Variants in LIMCH1 observed in about 807,000 individuals in gnomAD.
LIMCH1 encodes LIM and calponin homology domains 1.
In LIMCH1, 113 loss-of-function variants were observed where a neutral mutation model predicts 176.5. The ratio of observed to expected loss-of-function variants is 0.64; its 90% CI spans 0.55 to 0.75. LIMCH1 has a LOEUF of 0.75. Among genes scored for constraint, LIMCH1 ranks in the 30% least tolerant of loss-of-function variants. The pLI is 0.00. For synonymous variants in LIMCH1, 619 were observed against 645.9 expected, an observed-to-expected ratio of 0.96 and a Z score of 0.63; for missense variants, 1,674 against 1,814.9, an observed-to-expected ratio of 0.92 and a Z score of 1.41.
chr4:41,476,006 C>G (rs112600019), intron 1 of LIMCH1, among the ~76,000 whole-genome samples: 1 of 151,972 alleles, frequency 6.6e-6, no homozygotes, highest in African/African-American at 2.4e-5. Flanking sequence ...AGGTCTTGCT[C>G]TGTCGCCCAG....
chr4:41,445,397 C>T (rs1177612881), intron 1 of LIMCH1, among the ~76,000 whole-genome samples: 19 of 152,144 alleles, frequency 1.2e-4, no homozygotes, highest in Non-Finnish European at 2.8e-4. Flanking sequence ...TGGACTTTTA[C>T]CATTCTATGT....
intron 27 of LIMCH1, among the ~76,000 whole-genome samples, chr4:41,685,449 T>C (rs2153061828): frequency 6.6e-6 from 1 of 152,308 alleles, no homozygotes; most frequent in African/African-American, 2.4e-5. Flanking sequence ...CTTTCATGCA[T>C]AAGAAGTCAG....
At chr4:41,494,696 G>C in intron 2 of LIMCH1, 1 of 850,668 alleles carries the variant, frequency 1.2e-6, no homozygotes, top group Non-Finnish European at 1.8e-6. Flanking sequence ...GTTTTGTTTT[G>C]AATTTATTCA....
At chr4:41,367,023 G>A (rs916861870) in intron 1 of LIMCH1, among the ~76,000 whole-genome samples, 8 of 152,182 alleles carry the variant, frequency 5.3e-5, no homozygotes, top group African/African-American at 1.4e-4. Flanking sequence ...GAGAGCAAGC[G>A]AAGAGGGAAC....
At position 41,686,349 on chromosome 4, in the gene LIMCH1, A is replaced by G. The variant is rs1286460684; in HGVS notation, c.4088+519A>G. On this transcript the variant is annotated intron_variant, in intron 28 of 31. Transcript: ENST00000503057. Reference sequence around the variant, plus strand: ...TTCTCTCCTTTTCATCCATTAACTCACTGAACCCTTCCAATAACTTAATGA... The same window carrying G: ...TTCTCTCCTTTTCATCCATTAACTCGCTGAACCCTTCCAATAACTTAATGA... Among the ~76,000 whole-genome samples, 5 of 152,296 alleles carry G rather than the reference A, an allele frequency of 3.3e-5. No individual in the cohort carries two copies. In the East Asian group the frequency reaches 9.6e-4, roughly 29 times the overall value.
At chr4:41,679,947 A>T in intron 23 of LIMCH1, 59 bp from the exon 24 acceptor site, 3 of 1,174,114 alleles carry the variant, frequency 2.6e-6, no homozygotes, top group Non-Finnish European at 3.7e-6. Flanking sequence ...TAGGGGGGAA[A>T]ATTCCCGATG....
At chr4:41,590,174 T>C (rs4128423) in intron 1 of LIMCH1, among the ~76,000 whole-genome samples, 13,164 of 152,030 alleles carry the variant, frequency 0.087, 1,869 homozygotes, top group African/African-American at 0.3. Context: ...CTCACTTCAA[T>C]TTCTGCCTCC....
At chr4:41,396,448 C>T (rs900119646) in intron 1 of LIMCH1, among the ~76,000 whole-genome samples, 1 of 152,160 alleles carries the variant, frequency 6.6e-6, no homozygotes. Flanking sequence ...CCCTTCCCAG[C>T]CCAACAAGAT....
intron 1 of LIMCH1, among the ~76,000 whole-genome samples, chr4:41,573,938 T>C (rs1561795882): frequency 6.6e-6 from 1 of 152,188 alleles, no homozygotes; most frequent in Admixed American, 6.5e-5. Context: ...TTCTGTGTCC[T>C]GGACCTTTGC....
At chr4:41,586,380 G>A (rs576327414) in intron 1 of LIMCH1, among the ~76,000 whole-genome samples, 51 of 152,104 alleles carry the variant, frequency 3.4e-4, no homozygotes, top group African/African-American at 1.2e-3. Flanking sequence ...AAAGTGCTAG[G>A]ATTATAGGCA....
chr4:41,553,308 A>G (rs2080788783), intron 1 of LIMCH1, among the ~76,000 whole-genome samples: 1 of 152,206 alleles, frequency 6.6e-6, no homozygotes, highest in South Asian at 2.1e-4. Flanking sequence ...AGGTGATAAG[A>G]TGGATATATT....
intron 22 of LIMCH1, 58 bp downstream of exon 22, chr4:41,671,652 AT>A: frequency 7.7e-7 from 1 of 1,306,372 alleles, no homozygotes; most frequent in South Asian, 1.2e-5. Flanking sequence ...AATTTATAAC[AT>A]TTGATTGGCT....
chr4:41,470,782 C>T (rs1442591851), intron 1 of LIMCH1, among the ~76,000 whole-genome samples: 2 of 152,014 alleles, frequency 1.3e-5, no homozygotes, highest in Non-Finnish European at 2.9e-5. Flanking sequence ...TGGACCTCTT[C>T]TCTTGCACAC....
chr4:41,683,065 C>G (rs1039910201), intron 26 of LIMCH1, among the ~76,000 whole-genome samples: 1 of 152,028 alleles, frequency 6.6e-6, no homozygotes, highest in Non-Finnish European at 1.5e-5. Flanking sequence ...AGCCCCAAAC[C>G]TAAATATTAC....
At chr4:41,447,672 G>A (rs542356098) in intron 1 of LIMCH1, among the ~76,000 whole-genome samples, 40 of 152,312 alleles carry the variant, frequency 2.6e-4, no homozygotes, top group South Asian at 1.2e-3. Flanking sequence ...CCATGGAGAC[G>A]AGAATATCGA....
chr4:41,363,779 C>T (rs141379790), intron 1 of LIMCH1, among the ~76,000 whole-genome samples: 188 of 152,206 alleles, frequency 1.2e-3, no homozygotes, highest in African/African-American at 4.4e-3. Flanking sequence ...GGTCACAGAC[C>T]ACGTGGGGAC....
At chr4:41,569,465 G>C (rs1040265255) in intron 1 of LIMCH1, among the ~76,000 whole-genome samples, 1 of 152,174 alleles carries the variant, frequency 6.6e-6, no homozygotes, top group African/African-American at 2.4e-5. Flanking sequence ...CCATGAGCAA[G>C]AGGGCAGAAA....
At chr4:41,412,101 A>G (rs1268068755) in intron 1 of LIMCH1, among the ~76,000 whole-genome samples, 1 of 152,014 alleles carries the variant, frequency 6.6e-6, no homozygotes, top group East Asian at 1.9e-4. Context: ...GTTCCCTTTT[A>G]AAAAAATGTT....
intron 1 of LIMCH1, among the ~76,000 whole-genome samples, chr4:41,442,929 G>A (rs939164673): frequency 2.6e-5 from 4 of 152,136 alleles, no homozygotes; most frequent in African/African-American, 4.8e-5. Context: ...ACATACAAAT[G>A]TACTGTGTGA....
Sources: allele counts gnomAD v4.1 joint callset (sites outside exome capture counted in the v4.1 genomes callset), GRCh38; gene constraint gnomAD v4.1.1; transcripts MANE v1.5; gene names NCBI Gene and HGNC (gene_info 2026-07-23, HGNC 2026-07-21).